Variants in USP34 observed in about 807,000 individuals in gnomAD.
USP34 encodes ubiquitin carboxyl-terminal hydrolase 34.
USP34 carries 70 observed loss-of-function variants against 460.3 expected under a neutral mutation model. The observed-to-expected ratio is 0.15, with a 90% CI of 0.13 to 0.19. The LOEUF is 0.19. Ranked by LOEUF, USP34 falls within the 10% of genes least tolerant of loss-of-function variation. The pLI, the probability that USP34 is intolerant of heterozygous loss-of-function variation, is 1.00. For missense variants in USP34, 3,985 were observed against 4,236.2 expected, an observed-to-expected ratio of 0.94 and a Z score of 1.65; for synonymous variants, 1,647 against 1,405.3, an observed-to-expected ratio of 1.17 and a Z score of -3.85.
At chr2:61,303,724 G>A (rs1690310242) in intron 27 of USP34, among the ~76,000 whole-genome samples, 1 of 151,628 alleles carries the variant, frequency 6.6e-6, no homozygotes. Flanking sequence ...AGCCTCCCAA[G>A]TAGCTGGGAC....
intron 43 of USP34, 107 bp downstream of exon 43, chr2:61,265,290 T>C: frequency 7.8e-7 from 1 of 1,287,130 alleles, no homozygotes; most frequent in Non-Finnish European, 1.1e-6. Context: ...TTTACTTTTA[T>C]TCACAAATTA....
At chr2:61,319,894 T>C (rs1393807990) in intron 21 of USP34, among the ~76,000 whole-genome samples, 1 of 152,144 alleles carries the variant, frequency 6.6e-6, no homozygotes, top group African/African-American at 2.4e-5. Context: ...AGTTAACACT[T>C]TGAATATTAA....
chr2:61,290,288 A>G (rs954930841), intron 33 of USP34, among the ~76,000 whole-genome samples: 1 of 152,158 alleles, frequency 6.6e-6, no homozygotes, highest in African/African-American at 2.4e-5. Context: ...GCATCTTCTT[A>G]TAAGGTTAAT....
intron 22 of USP34, among the ~76,000 whole-genome samples, 164 bp downstream of exon 22, chr2:61,319,009 T>C (rs1045786266): frequency 2.0e-5 from 3 of 151,814 alleles, no homozygotes; most frequent in African/African-American, 4.8e-5. Context: ...ACAACAAAAT[T>C]AGAGCACAAT....
At chr2:61,405,563 A>C in intron 3 of USP34, 145 bp downstream of exon 3, 1 of 853,386 alleles carries the variant, frequency 1.2e-6, no homozygotes, top group Non-Finnish European at 1.7e-6. Context: ...CTGCTGAAGA[A>C]ATGCTCTGGA....
chr2:61,236,169 T>C lies in USP34; in HGVS notation c.6910A>G (p.Thr2304Ala). 6.2e-7 allele frequency: 1 copy of C among 1,609,564 alleles called. No homozygotes were observed. The highest frequency in any genetic ancestry group is 1.1e-5 in the South Asian group (1 of 89,710). Reference sequence around the variant, plus strand: ...GTTCATATATTTATTACCTTTGCTGTCATTAAGGACACAGCTTTAGGATCT... The same window carrying C: ...GTTCATATATTTATTACCTTTGCTGCCATTAAGGACACAGCTTTAGGATCT... ...LPDPKAVSLMTAKLSTSFVLE... is the reference protein window; with the variant it reads ...LPDPKAVSLMAAKLSTSFVLE... The change falls in exon 55 of 80, where the codon ACA becomes GCA. Residue 2304 changes from threonine (T) to alanine (A), a missense_variant. Transcript: ENST00000398571.
intron 10 of USP34, among the ~76,000 whole-genome samples, chr2:61,357,729 T>G (rs1002871542): frequency 2.6e-5 from 4 of 152,190 alleles, no homozygotes; most frequent in African/African-American, 9.6e-5. Flanking sequence ...GGTGAAATCC[T>G]TTCTCTACAA....
intron 3 of USP34, among the ~76,000 whole-genome samples, chr2:61,403,782 T>C (rs909613291): frequency 2.6e-5 from 4 of 151,748 alleles, no homozygotes; most frequent in African/African-American, 9.7e-5. Context: ...GGCCAGGAGA[T>C]CGAGACCATC....
intron 75 of USP34, chr2:61,193,191 T>C (rs1418785653): frequency 4.9e-6 from 2 of 411,874 alleles, no homozygotes; most frequent in Non-Finnish European, 8.8e-6. Flanking sequence ...TATACCTCAT[T>C]CCTGAAGGAT....
At chr2:61,258,638 G>A (rs549939071) in intron 44 of USP34, among the ~76,000 whole-genome samples, 1 of 152,094 alleles carries the variant, frequency 6.6e-6, no homozygotes, top group Non-Finnish European at 1.5e-5. Context: ...GGAGGTTGAA[G>A]GGTAGGGGGA....
intron 66 of USP34, 101 bp downstream of exon 66, chr2:61,221,401 T>G (rs1687581348): frequency 1.9e-6 from 2 of 1,074,298 alleles, no homozygotes; most frequent in South Asian, 3.4e-5. Context: ...TAAAACCATC[T>G]TGGGGTAATA....
chr2:61,422,448 A>G (rs1207457895), intron 1 of USP34, among the ~76,000 whole-genome samples: 3 of 152,182 alleles, frequency 2.0e-5, no homozygotes, highest in Non-Finnish European at 4.4e-5. Flanking sequence ...CATTCCATCC[A>G]ACCCAGAACC....
chr2:61,332,188 A>G (rs1032415910), intron 19 of USP34, among the ~76,000 whole-genome samples: 9 of 152,094 alleles, frequency 5.9e-5, no homozygotes, highest in Admixed American at 2.0e-4. Flanking sequence ...AAGGTTTATT[A>G]GAAGAATCAA....
At chr2:61,360,727 G>A (rs1692250157) in intron 10 of USP34, among the ~76,000 whole-genome samples, 2 of 152,288 alleles carry the variant, frequency 1.3e-5, no homozygotes, top group South Asian at 4.1e-4. Flanking sequence ...CACCATCTTG[G>A]CTCATTGCAG....
At chr2:61,236,834 G>A (rs113559583) in intron 53 of USP34, among the ~76,000 whole-genome samples, 1 of 152,198 alleles carries the variant, frequency 6.6e-6, no homozygotes, top group African/African-American at 2.4e-5. Flanking sequence ...CATTAGGACT[G>A]CAGGATCAAT....
At chr2:61,368,270 A>AG (rs1692499110) in intron 10 of USP34, among the ~76,000 whole-genome samples, 1 of 152,180 alleles carries the variant, frequency 6.6e-6, no homozygotes, top group Admixed American at 6.5e-5. Context: ...GGTCTCTACT[A>AG]AAAACACAAA....
At position 61,394,917 on chromosome 2, in the gene USP34, T is replaced by G. The variant is rs773656692; in HGVS notation, c.689A>C (p.Glu230Ala). Reference sequence around the variant, plus strand: ...TGGCAAAGTTTCAGGAGTTCCATATTCAAAGCAATCCTTCATGAGAGAAAG... The same window carrying G: ...TGGCAAAGTTTCAGGAGTTCCATATGCAAAGCAATCCTTCATGAGAGAAAG... The part of the protein sequence containing the change: ...NGLSLMKDCF[E>A]YGTPETLPFL... The change falls in exon 5 of 80, where the codon GAA (glutamate) becomes GCA (alanine). Residue 230 changes from glutamate (E) to alanine (A), a missense_variant. Around this residue, in one of 14 missense-constraint regions of USP34, gnomAD observed 331 missense variants for 293.7 expected, o/e 1.13. Transcript: ENST00000398571. The G allele has an allele frequency of 1.4e-5, 22 of 1,606,018 alleles. No homozygotes were observed. The South Asian group carries it at 2.2e-4, about 16-fold the overall frequency.
At chr2:61,364,100 G>C (rs1180339159) in intron 10 of USP34, among the ~76,000 whole-genome samples, 1 of 152,228 alleles carries the variant, frequency 6.6e-6, no homozygotes, top group Non-Finnish European at 1.5e-5. Flanking sequence ...AAACAGCTGA[G>C]CATGGTGGCT....
chr2:61,256,930 T>G lies in USP34; in HGVS notation c.6069A>C (p.Gln2023His), dbSNP rs953241960. 6.4e-7 allele frequency: 1 copy of G among 1,563,918 alleles called. No individual in the cohort carries two copies. Among genetic ancestry groups the G allele is most frequent in the Non-Finnish European group, 8.6e-7 (1 of 1,157,422 alleles). The change falls in exon 47 of 80, where the codon CAA (glutamine) becomes CAC (histidine). Residue 2023 changes from glutamine to histidine, a missense_variant. This residue lies in a region of USP34 where 145 missense variants were observed against 291.6 expected (regional missense o/e 0.50). Transcript: ENST00000398571. ...VVSLDCEHVS[Q>H]TAEEFYTVRC... ...TCACAGTATAAAACTCTTCAGCAGT[T>G]TGACTAACATGTTCACAATCCTAAT...
Sources: allele counts gnomAD v4.1 joint callset (sites outside exome capture counted in the v4.1 genomes callset), GRCh38; gene constraint gnomAD v4.1.1; regional missense constraint gnomAD v4.1.1; transcripts MANE v1.5; gene names NCBI Gene and HGNC (gene_info 2026-07-23, HGNC 2026-07-21).